NFKBIL1: variants seen among roughly 807,000 people sequenced by gnomAD.
NFKBIL1 encodes the protein NF-kappa-B inhibitor-like protein 1.
A neutral mutation model predicts 45.4 loss-of-function variants in NFKBIL1; 30 were observed. The ratio of observed to expected loss-of-function variants is 0.66; its 90% CI spans 0.49 to 0.90. The LOEUF (loss-of-function observed/expected upper bound fraction) is 0.90, where lower values mean the gene tolerates loss of function less well. Ranked by LOEUF, NFKBIL1 falls within the 40% of genes least tolerant of loss-of-function variation. The pLI, the probability that NFKBIL1 is intolerant of heterozygous loss-of-function variation, is 0.00. For synonymous variants in NFKBIL1, 179 were observed against 197.3 expected (o/e 0.91, Z 0.78); for missense variants, 434 against 513.4 (o/e 0.85, Z 1.49).
At position 31,558,751 on chromosome 6, in the gene NFKBIL1, A is replaced by G. The variant is rs2150370387; in HGVS notation, c.*140A>G. ...ATGGGTGGGAGCGAAAGTTGTAACA[A>G]GTGGGGGTGGGGGGTGCGGGCCGCC... On this transcript the variant is annotated 3_prime_UTR_variant, in exon 4 of 4. Transcript: ENST00000376148. This position sits in a 1 kb window ranked among gnomAD's most constrained non-coding sequence, Gnocchi z 7.2. 1.1e-5 allele frequency: 6 copies of G among 537,362 alleles called. No homozygotes were observed. The highest frequency in any genetic ancestry group is 4.5e-5 in the South Asian group (2 of 44,428). 33.3% of individuals were successfully genotyped at this position (537,362 alleles called of 1,614,324 possible). A position where few individuals can be genotyped will look rare whatever the true frequency, so the allele number is the denominator to read the frequency against.
chr6:31,558,242 G>C lies in NFKBIL1; in HGVS notation c.777G>C (p.Glu259Asp). Reference protein sequence around the residue: ...RARAKEEELRESRARRAQEAL... With the variant: ...RARAKEEELRDSRARRAQEAL... ...GGGCCAAGGAGGAAGAGCTGCGTGA[G>C]AGCCGAGCCAGGAGGGCGCAGGAGG... The change falls in exon 4 of 4, where the codon GAG becomes GAC. Residue 259 changes from glutamate (E) to aspartate (D), a missense_variant. Glu to Asp is a conservative substitution (Grantham distance 45, BLOSUM62 2). Transcript: ENST00000376148. This position sits in a 1 kb window ranked among gnomAD's most constrained non-coding sequence, Gnocchi z 7.2. 1 of 1,593,770 alleles carries C rather than the reference G, an allele frequency of 6.3e-7. No homozygotes were observed. Among genetic ancestry groups the C allele is most frequent in the Non-Finnish European group, 8.5e-7 (1 of 1,170,754 alleles).
chr6:31,547,113 A>G (rs150778638), upstream of NFKBIL1: 318 of 147,002 alleles, frequency 2.2e-3, 1 homozygote, highest in African/African-American at 7.2e-3. Context: ...ATCTTTTTCT[A>G]CATATTTCTC....
chr6:31,558,408 G>T lies in NFKBIL1; in HGVS notation c.943G>T (p.Ala315Ser). ...GGGAGGGGACCCAGAGGCCATGGCT[G>T]CAGCCCTGGTGGCCAGGGGCCCCCC... ...PGGGDPEAMA[A>S]ALVARGPPLE... The change falls in exon 4 of 4, where the codon GCA (alanine) becomes TCA (serine). Residue 315 changes from alanine (A) to serine (S), a missense_variant. By Grantham distance (99) the Ala-to-Ser change is moderately conservative (BLOSUM62 1). This residue lies in a region of NFKBIL1 where 52 missense variants were observed against 95.9 expected (regional missense o/e 0.54). Transcript: ENST00000376148. This position sits in a 1 kb window ranked among gnomAD's most constrained non-coding sequence, Gnocchi z 7.2. 6.4e-7 allele frequency: 1 copy of T among 1,551,218 alleles called. No homozygotes were observed. Among genetic ancestry groups the T allele is most frequent in the East Asian group, 2.4e-5 (1 of 41,166 alleles).
intron 2 of NFKBIL1, among the ~76,000 whole-genome samples, chr6:31,552,885 T>C (rs1769514134): frequency 6.6e-6 from 1 of 151,098 alleles, no homozygotes. Flanking sequence ...TTTGTATTTT[T>C]AGTAGAGACA....
In NFKBIL1 at chr6:31,558,352, G is replaced by A. The variant is rs373512256; in HGVS notation, c.887G>A (p.Arg296Gln). ...GGAGCGGGGAGGGGCAGCCTCTGGC[G>A]ATTTGGTGATGTGCCCTGGCCCTGC... is the stretch of plus-strand genomic sequence containing the variant. ...PRGAGRGSLW[R>Q]FGDVPWPCPG... is the part of the protein sequence containing the mutation. Residue 296 changes from arginine to glutamine, a missense_variant, in exon 4 of 4, where the codon CGA (arginine) becomes CAA (glutamine). Coordinates refer to ENST00000376148, the MANE Select transcript of NFKBIL1 (RefSeq NM_005007.4). This position sits in a 1 kb window ranked among gnomAD's most constrained non-coding sequence, Gnocchi z 7.2. The A allele has an allele frequency of 1.2e-5, 18 of 1,552,312 alleles. No homozygotes were observed. In the East Asian group the frequency reaches 2.4e-4, roughly 20 times the overall value.
rs199911848 is a variant in NFKBIL1 at position 31,547,662 on chromosome 6, C to G, written c.-33C>G. On this transcript the variant is annotated 5_prime_UTR_variant, in exon 1 of 4. Transcript: ENST00000376148. ...AAACACAGGCCTTGGGCCTACGGCTCTGGGGGTACTTGGGGGGGCGGGGGC... is the reference window on the plus strand; with the variant it reads ...AAACACAGGCCTTGGGCCTACGGCTGTGGGGGTACTTGGGGGGGCGGGGGC... 8.8e-5 allele frequency: 137 copies of G among 1,555,182 alleles called. No individual in the cohort carries two copies. Among genetic ancestry groups the G allele is most frequent in the Non-Finnish European group, 1.1e-4 (126 of 1,131,612 alleles).
At chr6:31,555,948 C>T (rs1363070917) in intron 2 of NFKBIL1, among the ~76,000 whole-genome samples, 3 of 151,592 alleles carry the variant, frequency 2.0e-5, no homozygotes, top group Non-Finnish European at 2.9e-5. Flanking sequence ...CGTGAGCCAC[C>T]GTGCCTGGCC....
intron 2 of NFKBIL1, among the ~76,000 whole-genome samples, chr6:31,549,786 C>T (rs1769325344): frequency 6.6e-6 from 1 of 152,146 alleles, no homozygotes; most frequent in African/African-American, 2.4e-5. Context: ...CCTAGGCCCT[C>T]CTGGGCTACC....
At chr6:31,555,609 C>CTTTTTTTTTTT (rs772749122) in intron 2 of NFKBIL1, among the ~76,000 whole-genome samples, 4 of 72,284 alleles carry the variant, frequency 5.5e-5, no homozygotes, top group African/African-American at 5.5e-5. Flanking sequence ...CTCTCTCTCT[C>CTTTTTTTTTTT]TTTTTTTTTT....
intron 2 of NFKBIL1, among the ~76,000 whole-genome samples, chr6:31,553,098 A>C (rs2150364118): frequency 6.9e-6 from 1 of 145,446 alleles, no homozygotes; most frequent in South Asian, 2.2e-4. Flanking sequence ...CTGGAGTGCA[A>C]TGGCGCAATC....
Position 31,558,378 on chromosome 6 carries a change from C to T in NFKBIL1, c.913C>T (p.Pro305Ser). ...WRFGDVPWPC[P>S]GGGDPEAMAA... ...ATTTGGTGATGTGCCCTGGCCCTGC[C>T]CTGGGGGAGGGGACCCAGAGGCCAT... The change falls in exon 4 of 4, where the codon CCT (proline) becomes TCT (serine). Residue 305 changes from proline (P) to serine (S), a missense_variant. Coordinates refer to ENST00000376148, the MANE Select transcript of NFKBIL1 (RefSeq NM_005007.4). The surrounding 1 kb of genome is among the most constrained non-coding windows in gnomAD (Gnocchi z 7.2). 1 of 1,551,160 alleles carries T rather than the reference C, an allele frequency of 6.4e-7. No individual in the cohort carries two copies. The highest frequency in any genetic ancestry group is 8.7e-7 in the Non-Finnish European group (1 of 1,146,572).
In NFKBIL1 at chr6:31,555,509, A is replaced by G. The variant is rs9267493; in HGVS notation, c.335-2119A>G. 9.8e-3 allele frequency among the ~76,000 whole-genome samples: 1,464 copies of G among 149,380 alleles called. 13 individuals carry two copies. The highest frequency in any genetic ancestry group is 0.017 in the Middle Eastern group (5 of 288). ...CGCCTCAGCCTCCCAAAGTGCTGGG[A>G]TTACAGGCCATGAGCCACCACGCCC... On this transcript the variant is annotated intron_variant, in intron 2 of 3. Coordinates refer to ENST00000376148, the MANE Select transcript of NFKBIL1 (RefSeq NM_005007.4).
At chr6:31,547,261 G>A (rs1426744594), upstream of NFKBIL1, among the ~76,000 whole-genome samples, 1 of 150,188 alleles carries the variant, frequency 6.7e-6, no homozygotes, top group Middle Eastern at 3.2e-3. Flanking sequence ...CATGTTTAAT[G>A]TGATTTTTAT....
rs1176403278 is a variant in NFKBIL1 at position 31,558,076 on chromosome 6, G to A, written c.611G>A (p.Arg204His). The A allele has an allele frequency of 1.3e-5, 21 of 1,611,884 alleles. No individual in the cohort carries two copies. The highest frequency in any genetic ancestry group is 4.0e-5 in the African/African-American group (3 of 74,750). Residue 204 changes from arginine to histidine, a missense_variant, in exon 4 of 4, where the codon CGC (arginine) becomes CAC (histidine). This residue lies in a region of NFKBIL1 where 23 missense variants were observed against 46.9 expected (regional missense o/e 0.49). Transcript: ENST00000376148. This position sits in a 1 kb window ranked among gnomAD's most constrained non-coding sequence, Gnocchi z 7.2. ...GAGTCCTTCTCAGCCTGGTCAGATC[G>A]CCTGGCCCGGGAACATGCCCAGAAG... is the stretch of plus-strand genomic sequence containing the variant. The part of the protein sequence containing the change: ...EPESFSAWSD[R>H]LAREHAQKCQ...
intron 1 of NFKBIL1, 36 bp from the exon 2 acceptor site, chr6:31,548,127 C>T (rs1353580706): frequency 6.2e-7 from 1 of 1,612,842 alleles, no homozygotes; most frequent in East Asian, 2.2e-5. Flanking sequence ...CCAGCCAAGG[C>T]TGAAGTCCTG....
chr6:31,558,190 A>C lies in NFKBIL1; in HGVS notation c.725A>C (p.Glu242Ala). 1.2e-6 allele frequency: 2 copies of C among 1,607,752 alleles called. No homozygotes were observed. The highest frequency in any genetic ancestry group is 1.7e-6 in the Non-Finnish European group (2 of 1,177,798). ...SSQSWRQQEE[E>A]QRLFRERARA... ...CAGAGCTGGCGACAGCAGGAGGAGG[A>C]GCAGCGGCTCTTCAGGGAGCGAGCC... Residue 242 changes from glutamate to alanine, a missense_variant, in exon 4 of 4, where the codon GAG becomes GCG. Glu to Ala is a moderately radical substitution (Grantham distance 107). This residue lies in a region of NFKBIL1 where 128 missense variants were observed against 106.5 expected (regional missense o/e 1.20). Coordinates refer to ENST00000376148, the MANE Select transcript of NFKBIL1 (RefSeq NM_005007.4). The surrounding 1 kb of genome is among the most constrained non-coding windows in gnomAD (Gnocchi z 7.2).
intron 2 of NFKBIL1, among the ~76,000 whole-genome samples, chr6:31,551,663 C>T (rs9267491): frequency 0.013 from 1,977 of 151,860 alleles, 17 homozygotes; most frequent in Middle Eastern, 0.024. Context: ...GGCATGATCT[C>T]GGCTCACTAT....
intron 2 of NFKBIL1, chr6:31,556,854 A>C (rs1769769090): frequency 2.3e-6 from 1 of 435,826 alleles, no homozygotes; most frequent in African/African-American, 2.0e-5. Flanking sequence ...TGATAATAAA[A>C]GATAAGTATT....
At chr6:31,553,811 C>T (rs939602263) in intron 2 of NFKBIL1, among the ~76,000 whole-genome samples, 17 of 152,140 alleles carry the variant, frequency 1.1e-4, no homozygotes, top group Admixed American at 7.9e-4. Context: ...TACAGGCATC[C>T]GCCACCACGT....
Sources: allele counts gnomAD v4.1 joint callset (sites outside exome capture counted in the v4.1 genomes callset), GRCh38; gene constraint gnomAD v4.1.1; regional missense constraint gnomAD v4.1.1; non-coding constraint Gnocchi (gnomAD v3.1); transcripts MANE v1.5; gene names NCBI Gene and HGNC (gene_info 2026-07-23, HGNC 2026-07-21).